CLASP1: variants seen among roughly 807,000 people sequenced by gnomAD.
CLASP1 encodes the protein CLIP-associating protein 1.
Under a neutral mutation model 192.3 loss-of-function variants are expected in CLASP1, and 38 were observed. That is an observed-to-expected ratio of 0.20 (90% CI 0.15 to 0.26). The LOEUF is 0.26. Ranked by LOEUF, CLASP1 falls within the 10% of genes least tolerant of loss-of-function variation. The pLI, the probability that CLASP1 is intolerant of heterozygous loss-of-function variation, is 1.00. For missense variants in CLASP1, 1,433 were observed against 1,932.5 expected (o/e 0.74, Z 4.85); for synonymous variants, 691 against 712.8 (o/e 0.97, Z 0.49).
At chr2:121,544,907 C>CTTTTT (rs3078562) in intron 2 of CLASP1, among the ~76,000 whole-genome samples, 10 of 122,874 alleles carry the variant, frequency 8.1e-5, no homozygotes, top group Non-Finnish European at 1.2e-4. Flanking sequence ...CTTTTCTTTT[C>CTTTTT]TTTTTTTTTT....
chr2:121,571,543 A>G (rs2059977777), intron 2 of CLASP1, among the ~76,000 whole-genome samples: 1 of 152,220 alleles, frequency 6.6e-6, no homozygotes, highest in African/African-American at 2.4e-5. Flanking sequence ...AACAAGTAGC[A>G]AATGGCAACA....
At chr2:121,626,362 G>A (rs1225203811) in intron 1 of CLASP1, among the ~76,000 whole-genome samples, 2 of 152,050 alleles carry the variant, frequency 1.3e-5, no homozygotes, top group Non-Finnish European at 2.9e-5. Flanking sequence ...TTTAAATTTG[G>A]CTTTCATTTC....
intron 26 of CLASP1, 82 bp from the exon 28 acceptor site, chr2:121,401,952 T>A (rs552380109): frequency 3.6e-6 from 2 of 559,336 alleles, no homozygotes; most frequent in Non-Finnish European, 6.8e-6. Flanking sequence ...ACCATTTTCA[T>A]GCGTTTTTTT....
rs201508704 is a variant in CLASP1, at chr2:121,599,294, G to GAA, written c.195+6405_195+6406dup. On this transcript the variant is annotated intron_variant, in intron 2 of 39. Coordinates refer to ENST00000263710, the Ensembl canonical transcript of CLASP1. ...CTCCATTCTCTTTTCAGCCCTTAAA[G>GAA]AAAAAAAAAAAACAGCCGGGCACGG... Among the ~76,000 whole-genome samples, 705 of 134,698 alleles carry GAA rather than the reference G, an allele frequency of 5.2e-3. 3 individuals are homozygous for GAA. Among genetic ancestry groups the GAA allele is most frequent in the African/African-American group, 0.018 (660 of 37,660 alleles). 88.4% of individuals were successfully genotyped at this position (134,698 alleles called of 152,430 possible).
Position 121,609,269 on chromosome 2 carries a change from C to A in CLASP1, c.-285-3089G>T, listed in dbSNP as rs570974929. 3.5e-4 allele frequency among the ~76,000 whole-genome samples: 54 copies of A among 152,298 alleles called. 1 individual carries two copies. Among genetic ancestry groups the A allele is most frequent in the Admixed American group, 1.3e-3 (20 of 15,300 alleles). On this transcript the variant is annotated intron_variant, in intron 1 of 39. Coordinates refer to ENST00000263710, the Ensembl canonical transcript of CLASP1. ...ATATATCATAAGAAAACCTCCCCTT[C>A]AACCATAATTGTATAAGATTTCTAA...
At chr2:121,465,519 G>C (rs1180322170) in intron 9 of CLASP1, among the ~76,000 whole-genome samples, 2 of 152,188 alleles carry the variant, frequency 1.3e-5, no homozygotes, top group African/African-American at 4.8e-5. Context: ...TGAAATAAAA[G>C]AGGATACAAA....
At chr2:121,404,519 T>C (rs1285904092) in intron 25 of CLASP1, 85 bp from the exon 27 acceptor site, 45 of 1,209,136 alleles carry the variant, frequency 3.7e-5, no homozygotes, top group Non-Finnish European at 4.7e-5. Flanking sequence ...CAGGCTAGAG[T>C]GCAGTGGTGC....
intron 14 of CLASP1, among the ~76,000 whole-genome samples, chr2:121,456,885 A>G (rs888854033): frequency 1.3e-5 from 2 of 152,206 alleles, no homozygotes; most frequent in Non-Finnish European, 2.9e-5. Flanking sequence ...TAATTATCCT[A>G]TAAGACTCCC....
At chr2:121,468,790 G>A (rs757952609) in intron 9 of CLASP1, among the ~76,000 whole-genome samples, 6 of 151,910 alleles carry the variant, frequency 3.9e-5, no homozygotes, top group East Asian at 1.9e-4. Flanking sequence ...TAAGCCCAAC[G>A]CCATGCTCCT....
intron 2 of CLASP1, among the ~76,000 whole-genome samples, chr2:121,562,827 G>C (rs1243800903): frequency 6.6e-6 from 1 of 152,178 alleles, no homozygotes; most frequent in Non-Finnish European, 1.5e-5. Context: ...CTGGAAAGGA[G>C]GTCAGCTGTC....
intron 8 of CLASP1, chr2:121,470,293 CTTTTTTTTTTTTTTTT>C (rs70954550): frequency 0.03 from 9,188 of 309,162 alleles, 212 homozygotes; most frequent in Non-Finnish European, 0.034. Flanking sequence ...ACCATCCATG[CTTTTTTTTTTTTTTTT>C]TTTTTTTTTT....
chr2:121,474,274 T>C (rs888779180), intron 8 of CLASP1, among the ~76,000 whole-genome samples: 6 of 152,182 alleles, frequency 3.9e-5, no homozygotes, highest in Non-Finnish European at 5.9e-5. Context: ...AGGGAAGGCA[T>C]GAAGAAAATG....
chr2:121,528,140 G>C (rs750700549), intron 4 of CLASP1, among the ~76,000 whole-genome samples: 1 of 152,198 alleles, frequency 6.6e-6, no homozygotes, highest in Non-Finnish European at 1.5e-5. Flanking sequence ...CCCTGAAAGA[G>C]AGGTATAACT....
chr2:121,497,306 T>C (rs2093572848), intron 8 of CLASP1, among the ~76,000 whole-genome samples: 3 of 152,174 alleles, frequency 2.0e-5, no homozygotes, highest in Non-Finnish European at 4.4e-5. Flanking sequence ...GGATGAATAA[T>C]GGAGCAATCA....
At chr2:121,464,600 T>C (rs2089054526) in intron 9 of CLASP1, among the ~76,000 whole-genome samples, 1 of 152,262 alleles carries the variant, frequency 6.6e-6, no homozygotes, top group Non-Finnish European at 1.5e-5. Context: ...TAGCCAGTGA[T>C]GGTGAGCATT....
At chr2:121,508,790 T>C (rs965393695) in intron 7 of CLASP1, among the ~76,000 whole-genome samples, 1 of 152,040 alleles carries the variant, frequency 6.6e-6, no homozygotes, top group African/African-American at 2.4e-5. Flanking sequence ...AAGTAAAGGA[T>C]GGAAAAAGAT....
chr2:121,538,267 C>A (rs1388745342), intron 2 of CLASP1, among the ~76,000 whole-genome samples: 2 of 151,626 alleles, frequency 1.3e-5, no homozygotes, highest in Non-Finnish European at 2.9e-5. Flanking sequence ...ACAAAATTAG[C>A]CGGGCGTGGT....
At chr2:121,405,350 T>C (rs1272825501) in intron 25 of CLASP1, among the ~76,000 whole-genome samples, 2 of 152,194 alleles carry the variant, frequency 1.3e-5, no homozygotes, top group East Asian at 3.8e-4. Context: ...CTGCTATCTT[T>C]AAGCCTGTGA....
At chr2:121,407,834 C>G (rs1409953415) in intron 24 of CLASP1, 119 bp from the exon 26 acceptor site, 2 of 1,138,098 alleles carry the variant, frequency 1.8e-6, no homozygotes, top group Non-Finnish European at 2.7e-6. Context: ...CACATGCACA[C>G]ACACACTTTT....
Sources: gnomAD v4.1 joint callset for allele counts (sites outside exome capture counted in the v4.1 genomes callset) on GRCh38, gnomAD v4.1.1 for gene constraint, MANE v1.5 for transcripts, NCBI Gene and HGNC (gene_info 2026-07-23, HGNC 2026-07-21) for gene names.